SULT1C2: variants seen among roughly 807,000 people sequenced by gnomAD.
SULT1C2 encodes sulfotransferase 1C2.
In SULT1C2, 27 loss-of-function variants were observed where a neutral mutation model predicts 36.0. That is an observed-to-expected ratio of 0.75 (90% CI 0.55 to 1.03). The LOEUF is 1.03. Among genes scored for constraint, SULT1C2 ranks in the 50% least tolerant of loss-of-function variants. The pLI is 0.00. For synonymous variants in SULT1C2, 121 were observed against 116.0 expected (o/e 1.04, Z -0.27); for missense variants, 395 against 359.2 (o/e 1.10, Z -0.80).
At chr2:108,296,302 C>T (rs1334601425) in intron 3 of SULT1C2, among the ~76,000 whole-genome samples, 5 of 152,162 alleles carry the variant, frequency 3.3e-5, no homozygotes, top group Admixed American at 1.3e-4. Flanking sequence ...GGTAATCAAA[C>T]GGCCAGCTTG....
intron 3 of SULT1C2, among the ~76,000 whole-genome samples, chr2:108,298,814 T>C (rs534823435): frequency 7.1e-4 from 108 of 152,326 alleles, no homozygotes; most frequent in African/African-American, 2.5e-3. Context: ...TCACTTGTTT[T>C]GTAATTTTGT....
chr2:108,301,340 C>T (rs1558679918), intron 4 of SULT1C2: 5 of 159,230 alleles, frequency 3.1e-5, no homozygotes, highest in Non-Finnish European at 6.9e-5. Context: ...GCCTGTAATC[C>T]CAGCACTTTG....
At position 108,304,719 on chromosome 2, in the gene SULT1C2, C is replaced by T; in HGVS notation, c.502+19C>T. The T allele has an allele frequency of 6.2e-7, 1 of 1,601,252 alleles. No homozygotes were observed. Among genetic ancestry groups the T allele is most frequent in the Non-Finnish European group, 8.5e-7 (1 of 1,175,228 alleles). On this transcript the variant is annotated intron_variant, in intron 5 of 7. Transcript: ENST00000251481. ...GGAAAAGGTACGGGAACATCCTTCA[C>T]ACCCTTGCATTCTCACTCCAGCTAG...
At chr2:108,291,035 T>C (rs943238002) in intron 1 of SULT1C2, among the ~76,000 whole-genome samples, 1 of 152,200 alleles carries the variant, frequency 6.6e-6, no homozygotes, top group Non-Finnish European at 1.5e-5. Flanking sequence ...AATCAAGGTG[T>C]TGGCAGGGCT....
rs201298513 is a variant in SULT1C2 at position 108,305,579 on chromosome 2, C to T, written c.762C>T (p.Ser254=). ...AATCTATCTTGGACCAGTCAATTTC[C>T]TCCTTCATGAGAAAAGGTGTGTGGG... ...VSKSILDQSI[S]SFMRKGTVGD... is the part of the protein sequence containing the mutation. The change falls in exon 7 of 8, where the codon TCC becomes TCT. Residue 254 remains serine, a synonymous_variant. Coordinates refer to ENST00000251481, the MANE Select transcript of SULT1C2 (RefSeq NM_001056.4). 2.5e-5 allele frequency: 40 copies of T among 1,614,064 alleles called. No individual in the cohort carries two copies. Among genetic ancestry groups the T allele is most frequent in the Non-Finnish European group, 3.2e-5 (38 of 1,180,036 alleles).
At position 108,290,066 on chromosome 2, in the gene SULT1C2, GT is replaced by G. The variant is rs1392503058; in HGVS notation, c.-22+998del. 3.3e-5 allele frequency among the ~76,000 whole-genome samples: 5 copies of G among 152,300 alleles called. No individual in the cohort carries two copies. In the East Asian group the frequency reaches 9.7e-4, roughly 29 times the overall value. The stretch of plus-strand genomic sequence containing the variant: ...CGCCTACCACAGAGTTGGTCAATGT[GT>G]TGCGTGGATTATTCTCAGGGCATTA... On this transcript the variant is annotated intron_variant, in intron 1 of 7. Coordinates refer to ENST00000251481, the MANE Select transcript of SULT1C2 (RefSeq NM_001056.4).
chr2:108,296,544 C>T (rs375275846), intron 3 of SULT1C2, among the ~76,000 whole-genome samples: 4 of 151,888 alleles, frequency 2.6e-5, no homozygotes, highest in Non-Finnish European at 4.4e-5. Flanking sequence ...CTCTGCCTCC[C>T]GGGTTCAAGC....
chr2:108,296,261 A>G (rs756833570), intron 3 of SULT1C2, among the ~76,000 whole-genome samples: 7 of 152,256 alleles, frequency 4.6e-5, no homozygotes, highest in Non-Finnish European at 7.3e-5. Context: ...CATAAAAACC[A>G]GGATAGAGCT....
At position 108,305,461 on chromosome 2, in the gene SULT1C2, A is replaced by C. The variant is rs201871499; in HGVS notation, c.644A>C (p.Lys215Thr). 1.5e-4 allele frequency: 250 copies of C among 1,614,092 alleles called. No homozygotes were observed. Among genetic ancestry groups the C allele is most frequent in the Non-Finnish European group, 2.0e-4 (231 of 1,180,034 alleles). The change falls in exon 7 of 8, where the codon AAG becomes ACG. Residue 215 changes from lysine to threonine, a missense_variant. Coordinates refer to ENST00000251481, the MANE Select transcript of SULT1C2 (RefSeq NM_001056.4). ...IRKVMQFMGKKVDETVLDKIV... is the reference protein window; with the variant it reads ...IRKVMQFMGKTVDETVLDKIV... ...AAGGTGATGCAGTTCATGGGAAAGAAGGTGGATGAAACAGTGCTAGATAAA... is the reference window on the plus strand; with the variant it reads ...AAGGTGATGCAGTTCATGGGAAAGACGGTGGATGAAACAGTGCTAGATAAA...
chr2:108,292,680 T>C (rs991982495), intron 1 of SULT1C2, among the ~76,000 whole-genome samples: 1 of 152,086 alleles, frequency 6.6e-6, no homozygotes, highest in African/African-American at 2.4e-5. Context: ...CTTGTAAAAA[T>C]GTAAAATGGT....
intron 1 of SULT1C2, among the ~76,000 whole-genome samples, chr2:108,291,684 G>C (rs1479138212): frequency 6.6e-6 from 1 of 152,176 alleles, no homozygotes; most frequent in Non-Finnish European, 1.5e-5. Flanking sequence ...TCCTGGGCAA[G>C]TTATTGATCG....
chr2:108,300,617 G>A, intron 3 of SULT1C2: 1 of 664,418 alleles, frequency 1.5e-6, no homozygotes. Context: ...TCCTTAAAGT[G>A]ACAGAGTAAA....
At chr2:108,308,286 A>T (rs1374194448) in intron 7 of SULT1C2, 66 bp from the exon 8 acceptor site, 53 of 1,460,568 alleles carry the variant, frequency 3.6e-5, no homozygotes. Flanking sequence ...GCACTACACC[A>T]CTTTACTCAG....
intron 3 of SULT1C2, among the ~76,000 whole-genome samples, chr2:108,297,522 C>T (rs1206653762): frequency 2.0e-5 from 3 of 152,182 alleles, no homozygotes; most frequent in Non-Finnish European, 4.4e-5. Context: ...AAAATGACCC[C>T]GTTTGCCCCC....
Position 108,309,680 on chromosome 2 carries a change from T to G in SULT1C2, c.*1216T>G. ...GTTGCCCAGGCTGGTCTTAACTGAC[T>G]GCTTTTTATTATTACCATGCACTGG... On this transcript the variant is annotated 3_prime_UTR_variant, in exon 8 of 8. Coordinates refer to ENST00000251481, the MANE Select transcript of SULT1C2 (RefSeq NM_001056.4). The G allele has an allele frequency of 1.3e-5, 2 of 151,966 alleles. No individual in the cohort carries two copies. The highest frequency in any genetic ancestry group is 4.8e-5 in the African/African-American group (2 of 41,374). The allele number at this position is 151,966 out of a possible 1,614,324, so 9.4% of individuals were successfully genotyped here. A position where few individuals can be genotyped will look rare whatever the true frequency, so the allele number is the denominator to read the frequency against.
At chr2:108,298,094 C>T (rs1414342317) in intron 3 of SULT1C2, among the ~76,000 whole-genome samples, 2 of 152,222 alleles carry the variant, frequency 1.3e-5, no homozygotes, top group African/African-American at 4.8e-5. Flanking sequence ...CACTTTCTGG[C>T]AGATTCCCTG....
At chr2:108,289,499 A>G (rs549107646) in intron 1 of SULT1C2, among the ~76,000 whole-genome samples, 40 of 152,316 alleles carry the variant, frequency 2.6e-4, no homozygotes, top group African/African-American at 9.1e-4. Flanking sequence ...CCAGACTTAT[A>G]AGCAAGTAAT....
At chr2:108,295,971 G>A (rs977549795) in intron 3 of SULT1C2, among the ~76,000 whole-genome samples, 1 of 152,120 alleles carries the variant, frequency 6.6e-6, no homozygotes, top group Non-Finnish European at 1.5e-5. Context: ...TTTTTTGCTT[G>A]TAGAGATCGG....
chr2:108,294,452 C>T (rs913652424), intron 3 of SULT1C2, 98 bp downstream of exon 3: 2 of 1,397,130 alleles, frequency 1.4e-6, no homozygotes, highest in Non-Finnish European at 1.9e-6. Flanking sequence ...TCTCCTCTCT[C>T]TCTCCCCCAT....
Sources: gnomAD v4.1 joint callset for allele counts (sites outside exome capture counted in the v4.1 genomes callset) on GRCh38, gnomAD v4.1.1 for gene constraint, MANE v1.5 for transcripts, NCBI Gene and HGNC (gene_info 2026-07-23, HGNC 2026-07-21) for gene names.